Variants in NRXN3 observed in about 807,000 individuals in gnomAD.
The protein encoded by NRXN3 is neurexin III.
Under a neutral mutation model 137.6 loss-of-function variants are expected in NRXN3, and 32 were observed. The ratio of observed to expected loss-of-function variants is 0.23; its 90% CI spans 0.18 to 0.31. NRXN3 has a LOEUF of 0.31. Ranked by LOEUF, NRXN3 falls within the 10% of genes least tolerant of loss-of-function variation. The pLI is 1.00. For synonymous variants in NRXN3, 798 were observed against 784.5 expected (o/e 1.02, Z -0.29); for missense variants, 1,574 against 2,062.5 (o/e 0.76, Z 4.59).
In NRXN3 at chr14:79,641,110, C is replaced by T. The variant is rs980317866; in HGVS notation, c.3445-22668C>T. 3.7e-4 allele frequency among the ~76,000 whole-genome samples: 50 copies of T among 133,990 alleles called. 4 individuals are homozygous for T. Among genetic ancestry groups the T allele is most frequent in the African/African-American group, 1.2e-3 (49 of 40,606 alleles). 87.9% of individuals were successfully genotyped at this position (133,990 alleles called of 152,430 possible). On this transcript the variant is annotated intron_variant, in intron 16 of 20. Transcript: ENST00000335750. ...GTAACCTCCGCCTCCTGGGTTCAAG[C>T]GATTCTCCTGCCTCAGCCTCCTGAG...
At chr14:79,853,669 C>T in intron 20 of NRXN3, 4 of 1,302,330 alleles carry the variant, frequency 3.1e-6, no homozygotes, top group Non-Finnish European at 4.0e-6. Flanking sequence ...CCCCTTCCTG[C>T]ATCTTTCCTT....
intron 2 of NRXN3, among the ~76,000 whole-genome samples, chr14:78,246,975 T>C (rs1006258864): frequency 2.0e-5 from 3 of 152,226 alleles, no homozygotes; most frequent in African/African-American, 7.2e-5. Flanking sequence ...TAGGCCCTGC[T>C]ATTTGATGGT....
chr14:78,735,395 A>G (rs959172191), intron 8 of NRXN3, among the ~76,000 whole-genome samples: 43 of 152,180 alleles, frequency 2.8e-4, no homozygotes, highest in African/African-American at 1.0e-3. Flanking sequence ...TGGACAAACA[A>G]GGGGAAATAA....
At chr14:79,473,564 T>C (rs745394188) in intron 16 of NRXN3, among the ~76,000 whole-genome samples, 6 of 152,232 alleles carry the variant, frequency 3.9e-5, no homozygotes, top group Middle Eastern at 3.4e-3. Flanking sequence ...TGGATTTGAG[T>C]CAAGAACTGT....
At chr14:79,178,590 A>AT (rs937869982) in intron 15 of NRXN3, among the ~76,000 whole-genome samples, 3 of 152,110 alleles carry the variant, frequency 2.0e-5, no homozygotes, top group African/African-American at 7.2e-5. Flanking sequence ...CATGCCCATG[A>AT]TTTTTTTCTG....
At chr14:79,094,916 C>A (rs2049947605) in intron 15 of NRXN3, among the ~76,000 whole-genome samples, 1 of 149,006 alleles carries the variant, frequency 6.7e-6, no homozygotes, top group East Asian at 2.0e-4. Flanking sequence ...ACAAGAAATT[C>A]CTGCTCATAC....
intron 15 of NRXN3, among the ~76,000 whole-genome samples, chr14:79,434,216 G>A (rs1003637): frequency 0.049 from 7,487 of 152,046 alleles, 637 homozygotes; most frequent in African/African-American, 0.17. Context: ...GAAATCTCTG[G>A]CACTGGTTAC....
chr14:79,863,946 A>G lies in NRXN3; in HGVS notation c.*1982A>G, dbSNP rs1455216949. ...GCAATCTAAATGGTAGCCTTTACTA[A>G]TGTGTGTGGAAAGAGGTGTTCCTCA... On this transcript the variant is annotated 3_prime_UTR_variant, in exon 21 of 21. Coordinates refer to ENST00000335750, the MANE Select transcript of NRXN3 (RefSeq NM_001330195.2). 3 of 152,496 alleles carry G rather than the reference A, an allele frequency of 2.0e-5. No homozygotes were observed. Among genetic ancestry groups the G allele is most frequent in the Non-Finnish European group, 2.9e-5 (2 of 68,038 alleles). 9.4% of individuals were successfully genotyped at this position (152,496 alleles called of 1,614,324 possible).
chr14:79,179,888 C>G (rs1467390673), intron 15 of NRXN3, among the ~76,000 whole-genome samples: 2 of 152,090 alleles, frequency 1.3e-5, no homozygotes, highest in African/African-American at 4.8e-5. Flanking sequence ...GGTGGTTTTT[C>G]CAAGCACCCA....
intron 4 of NRXN3, among the ~76,000 whole-genome samples, chr14:78,320,985 G>T (rs977162044): frequency 1.3e-5 from 2 of 150,544 alleles, no homozygotes; most frequent in Admixed American, 1.3e-4. Context: ...GTGAGGTGGC[G>T]CATGCCTGTA....
intron 6 of NRXN3, among the ~76,000 whole-genome samples, chr14:78,653,609 A>G (rs1391270862): frequency 6.6e-6 from 1 of 152,182 alleles, no homozygotes; most frequent in South Asian, 2.1e-4. Flanking sequence ...TCTTCTATCT[A>G]TTAATCAGGA....
chr14:79,220,589 C>A (rs1018893254), intron 15 of NRXN3, among the ~76,000 whole-genome samples: 1 of 152,148 alleles, frequency 6.6e-6, no homozygotes, highest in Admixed American at 6.6e-5. Context: ...TGTGCTTCCT[C>A]ATTCCCTCCT....
chr14:79,212,313 G>C (rs1344889457), intron 15 of NRXN3, among the ~76,000 whole-genome samples: 1 of 152,186 alleles, frequency 6.6e-6, no homozygotes, highest in African/African-American at 2.4e-5. Context: ...GGCTTCTTTG[G>C]AGAAAGACTG....
chr14:79,431,293 A>T (rs1178730271), intron 15 of NRXN3, among the ~76,000 whole-genome samples: 1 of 152,186 alleles, frequency 6.6e-6, no homozygotes, highest in African/African-American at 2.4e-5. Context: ...AGGTATAGAA[A>T]TACACTTCAG....
intron 15 of NRXN3, among the ~76,000 whole-genome samples, chr14:79,041,933 G>A (rs551798132): frequency 6.6e-6 from 1 of 152,226 alleles, no homozygotes; most frequent in East Asian, 1.9e-4. Context: ...GGGAGGGAAT[G>A]TTAGAAGAAT....
chr14:78,807,734 C>CAAAAAAAAAAAAAAAAAAAAAAAAA (rs144921592), intron 9 of NRXN3, among the ~76,000 whole-genome samples: 2 of 111,726 alleles, frequency 1.8e-5, no homozygotes, highest in African/African-American at 6.5e-5. Flanking sequence ...GATTCTGTCT[C>CAAAAAAAAAAAAAAAAAAAAAAAAA]AAAAAAAAAA....
intron 15 of NRXN3, among the ~76,000 whole-genome samples, chr14:79,167,814 T>C (rs2061414176): frequency 6.6e-6 from 1 of 152,004 alleles, no homozygotes; most frequent in African/African-American, 2.4e-5. Context: ...AAGCTCCCTC[T>C]TGCCCCTACC....
chr14:78,680,008 T>C (rs912716409), intron 6 of NRXN3, among the ~76,000 whole-genome samples: 10 of 152,152 alleles, frequency 6.6e-5, no homozygotes, highest in South Asian at 2.1e-4. Flanking sequence ...ATGACTAATC[T>C]ATAATCTAAG....
intron 4 of NRXN3, among the ~76,000 whole-genome samples, chr14:78,316,847 C>A (rs1305032849): frequency 6.6e-6 from 1 of 152,134 alleles, no homozygotes; most frequent in Non-Finnish European, 1.5e-5. Flanking sequence ...GCAGCTCCTG[C>A]CCATGTGATT....
Sources: allele counts gnomAD v4.1 joint callset (sites outside exome capture counted in the v4.1 genomes callset), GRCh38; gene constraint gnomAD v4.1.1; transcripts MANE v1.5; gene names NCBI Gene and HGNC (gene_info 2026-07-23, HGNC 2026-07-21).